Variants in PARD3B observed in about 807,000 individuals in gnomAD.
The protein encoded by PARD3B is par-3 family cell polarity regulator beta, also known as partitioning defective 3 homolog B.
PARD3B carries 103 observed loss-of-function variants against 130.2 expected under a neutral mutation model. The observed-to-expected ratio is 0.79, with a 90% confidence interval of 0.67 to 0.93. PARD3B has a LOEUF of 0.93. PARD3B is among the 40% of genes least tolerant of loss of function. The pLI is 0.00. For synonymous variants in PARD3B, 583 were observed against 553.2 expected, an observed-to-expected ratio of 1.05 and a Z score of -0.76; for missense variants, 1,609 against 1,499.2, an observed-to-expected ratio of 1.07 and a Z score of -1.21.
chr2:205,003,370 G>T (rs534679671), intron 3 of PARD3B, among the ~76,000 whole-genome samples: 14 of 152,186 alleles, frequency 9.2e-5, no homozygotes, highest in African/African-American at 9.6e-5. Context: ...TTTTTGGGGG[G>T]CATTGGGGGT....
At chr2:204,716,542 G>A (rs1350651278) in intron 2 of PARD3B, among the ~76,000 whole-genome samples, 1 of 151,382 alleles carries the variant, frequency 6.6e-6, no homozygotes, top group Non-Finnish European at 1.5e-5. Flanking sequence ...CAGTGGAAAT[G>A]GACTGTATGT....
At chr2:204,583,718 G>A (rs1033967166) in intron 1 of PARD3B, among the ~76,000 whole-genome samples, 5 of 151,604 alleles carry the variant, frequency 3.3e-5, no homozygotes, top group Admixed American at 1.3e-4. Flanking sequence ...GAATCCCCTC[G>A]GGTTATTACA....
At chr2:205,163,412 T>G (rs543584009) in intron 11 of PARD3B, among the ~76,000 whole-genome samples, 2 of 152,330 alleles carry the variant, frequency 1.3e-5, no homozygotes, top group East Asian at 3.9e-4. Context: ...CATGGCTAAT[T>G]GTAAATGTAT....
At chr2:205,214,913 A>T in intron 15 of PARD3B, among the ~76,000 whole-genome samples, 1 of 152,132 alleles carries the variant, frequency 6.6e-6, no homozygotes, top group Non-Finnish European at 1.5e-5. Context: ...AGATGTTGTT[A>T]TATTGAAAAT....
chr2:204,622,794 C>T (rs940145482), intron 1 of PARD3B, among the ~76,000 whole-genome samples: 1 of 152,110 alleles, frequency 6.6e-6, no homozygotes, highest in Non-Finnish European at 1.5e-5. Context: ...AGGCTTCATC[C>T]TTATATTCAA....
chr2:205,220,884 G>A (rs1354828238), intron 15 of PARD3B, among the ~76,000 whole-genome samples: 1 of 152,114 alleles, frequency 6.6e-6, no homozygotes, highest in Non-Finnish European at 1.5e-5. Context: ...TTGTGGTGAG[G>A]CTGGATTGGG....
intron 2 of PARD3B, among the ~76,000 whole-genome samples, chr2:204,736,762 A>G (rs1413301878): frequency 6.6e-6 from 1 of 152,222 alleles, no homozygotes; most frequent in Non-Finnish European, 1.5e-5. Flanking sequence ...GTCTTTTCAT[A>G]GAATGACTTC....
intron 2 of PARD3B, among the ~76,000 whole-genome samples, chr2:204,695,406 G>A (rs1368998472): frequency 1.3e-5 from 2 of 152,016 alleles, no homozygotes; most frequent in East Asian, 3.9e-4. Flanking sequence ...ACTAGTGTCA[G>A]TCACCAGTAC....
chr2:205,530,706 A>G lies in PARD3B; in HGVS notation c.3181-22618A>G, dbSNP rs2051553805. ...GCTAACTTGGATTCCTTTCTTTCAT[A>G]ATCCCCTACAAAGTGTTGCACATGC... is the stretch of plus-strand genomic sequence containing the variant. On this transcript the variant is annotated intron_variant, in intron 21 of 22. Transcript: ENST00000406610. This position sits in a 1 kb window ranked among gnomAD's most constrained non-coding sequence, Gnocchi z 4.7. Among the ~76,000 whole-genome samples the G allele has an allele frequency of 6.6e-6, 1 of 151,532 alleles. No homozygotes were observed. Among genetic ancestry groups the G allele is most frequent in the South Asian group, 2.1e-4 (1 of 4,824 alleles).
chr2:205,404,947 A>C (rs1333462971), intron 19 of PARD3B, among the ~76,000 whole-genome samples: 2 of 152,206 alleles, frequency 1.3e-5, no homozygotes, highest in Non-Finnish European at 2.9e-5. Context: ...CCTAGGATTG[A>C]TCTAACCTCA....
chr2:204,962,094 G>A (rs1266255636), intron 2 of PARD3B, among the ~76,000 whole-genome samples: 2 of 152,190 alleles, frequency 1.3e-5, no homozygotes, highest in South Asian at 2.1e-4. Flanking sequence ...TCTATCTGGG[G>A]ATTAGATGCT....
intron 16 of PARD3B, among the ~76,000 whole-genome samples, chr2:205,286,336 G>C (rs1374167519): frequency 1.3e-5 from 2 of 152,148 alleles, no homozygotes; most frequent in Non-Finnish European, 2.9e-5. Context: ...GCCTGGTACA[G>C]AGATAGCTGC....
intron 2 of PARD3B, among the ~76,000 whole-genome samples, chr2:204,894,815 G>A (rs17535452): frequency 0.036 from 5,407 of 151,796 alleles, 160 homozygotes; most frequent in African/African-American, 0.068. Context: ...TAGATGACAT[G>A]GATAAAATGA....
intron 1 of PARD3B, among the ~76,000 whole-genome samples, chr2:204,636,017 G>A (rs1056444189): frequency 8.5e-5 from 13 of 152,054 alleles, no homozygotes; most frequent in African/African-American, 3.1e-4. Context: ...GTAGTTAAAT[G>A]TATATGTTTG....
Position 204,545,862 on chromosome 2 carries a change from C to T in PARD3B, c.-138C>T, listed in dbSNP as rs1559147484. On this transcript the variant is annotated 5_prime_UTR_variant, in exon 1 of 23. Transcript: ENST00000406610. Reference sequence around the variant, plus strand: ...TGGAAGGGGCGCTGCCGCGAGCCTCCGGGCCTCAGGGTGTTCCGGGGAGCG... The same window carrying T: ...TGGAAGGGGCGCTGCCGCGAGCCTCTGGGCCTCAGGGTGTTCCGGGGAGCG... 4.2e-6 allele frequency: 4 copies of T among 958,794 alleles called. No individual in the cohort carries two copies. The highest frequency in any genetic ancestry group is 4.3e-6 in the Non-Finnish European group (3 of 701,676). 59.4% of individuals were successfully genotyped at this position (958,794 alleles called of 1,614,324 possible). A position where few individuals can be genotyped will look rare whatever the true frequency, so the allele number is the denominator to read the frequency against.
At chr2:205,141,787 A>G (rs572823163) in intron 10 of PARD3B, among the ~76,000 whole-genome samples, 1 of 152,284 alleles carries the variant, frequency 6.6e-6, no homozygotes, top group Admixed American at 6.5e-5. Context: ...GTTATAGTGA[A>G]TCTTGTTTTT....
At chr2:204,700,478 T>C (rs777743829) in intron 2 of PARD3B, among the ~76,000 whole-genome samples, 3 of 152,118 alleles carry the variant, frequency 2.0e-5, no homozygotes, top group Non-Finnish European at 4.4e-5. Context: ...TGTCTTCATA[T>C]AAGGAGAGGA....
At chr2:205,290,670 T>C (rs1220660629) in intron 16 of PARD3B, among the ~76,000 whole-genome samples, 3 of 152,184 alleles carry the variant, frequency 2.0e-5, no homozygotes, top group African/African-American at 7.2e-5. Flanking sequence ...GATGAAATAG[T>C]TGGCTTGTGT....
intron 4 of PARD3B, among the ~76,000 whole-genome samples, chr2:205,069,615 A>T (rs955144019): frequency 3.3e-5 from 5 of 152,078 alleles, no homozygotes; most frequent in Non-Finnish European, 2.9e-5. Context: ...GATTATACTT[A>T]CTGTGATACA....
Sources: allele counts gnomAD v4.1 joint callset (sites outside exome capture counted in the v4.1 genomes callset), GRCh38; gene constraint gnomAD v4.1.1; non-coding constraint Gnocchi (gnomAD v3.1); transcripts MANE v1.5; gene names NCBI Gene and HGNC (gene_info 2026-07-23, HGNC 2026-07-21).